COL23A1: variants seen among roughly 807,000 people sequenced by gnomAD.
COL23A1 encodes the protein collagen alpha-1(XXIII) chain.
A neutral mutation model predicts 99.3 loss-of-function variants in COL23A1; 97 were observed. That is an observed-to-expected ratio of 0.98 (90% CI 0.83 to 1.16). COL23A1 has a LOEUF of 1.16. Ranked by LOEUF, COL23A1 falls within the 50% of genes most tolerant of loss-of-function variation. COL23A1 has a pLI of 0.00. For synonymous variants in COL23A1, 320 were observed against 308.2 expected (o/e 1.04, Z -0.40); for missense variants, 762 against 757.4 (o/e 1.01, Z -0.07).
chr5:178,359,068 AG>A (rs1335958791), intron 2 of COL23A1, among the ~76,000 whole-genome samples: 3 of 152,230 alleles, frequency 2.0e-5, no homozygotes, highest in African/African-American at 7.2e-5. Context: ...ACAGAGTCGC[AG>A]GATGGCAGCT....
intron 22 of COL23A1, 73 bp from the exon 23 acceptor site, chr5:178,246,526 T>C: frequency 1.4e-6 from 2 of 1,447,536 alleles, no homozygotes; most frequent in East Asian, 5.0e-5. Context: ...GCTTGGAGAC[T>C]GCAAGGGAGC....
chr5:178,315,819 T>TCC (rs1335403196), intron 2 of COL23A1, among the ~76,000 whole-genome samples: 1 of 150,712 alleles, frequency 6.6e-6, no homozygotes, highest in Non-Finnish European at 1.5e-5. Flanking sequence ...AGTCATGGTA[T>TCC]CCTCCAGAGA....
rs1053610962 is a variant in COL23A1, at chr5:178,384,474, C to T, written c.362-77555G>A. On this transcript the variant is annotated intron_variant, in intron 2 of 28. Coordinates refer to ENST00000390654, the MANE Select transcript of COL23A1 (RefSeq NM_173465.4). This position sits in a 1 kb window ranked among gnomAD's most constrained non-coding sequence, Gnocchi z 5.5. ...CTCTCCTCCCTGCCCACCCCTCCCT[C>T]GGCTTTTTGGAGGCCACGTGGACGG... 3.9e-5 allele frequency among the ~76,000 whole-genome samples: 6 copies of T among 152,134 alleles called. No homozygotes were observed. The South Asian group carries it at 6.2e-4, about 16-fold the overall frequency.
intron 1 of COL23A1, among the ~76,000 whole-genome samples, chr5:178,577,062 G>A (rs1174420063): frequency 6.6e-6 from 1 of 152,084 alleles, no homozygotes; most frequent in African/African-American, 2.4e-5. Flanking sequence ...CCCCGCCGGG[G>A]TCCTCCCTGT....
intron 2 of COL23A1, among the ~76,000 whole-genome samples, chr5:178,549,478 T>C (rs1466199223): frequency 1.3e-5 from 2 of 151,998 alleles, no homozygotes; most frequent in African/African-American, 4.8e-5. Context: ...TGGCAGAGAA[T>C]AGGGGAATGG....
chr5:178,296,782 G>C (rs1267400067), intron 3 of COL23A1, among the ~76,000 whole-genome samples: 1 of 152,044 alleles, frequency 6.6e-6, no homozygotes, highest in Non-Finnish European at 1.5e-5. Flanking sequence ...TTGCTCGTGG[G>C]ACAGTCCACC....
chr5:178,500,040 T>C (rs1020435990), intron 2 of COL23A1, among the ~76,000 whole-genome samples: 3 of 152,048 alleles, frequency 2.0e-5, no homozygotes, highest in African/African-American at 7.2e-5. Context: ...TGGTAAGTGG[T>C]CACCTGGGAA....
rs1365142630 is a variant in COL23A1 at position 178,468,823 on chromosome 5, C to T, written c.361+91859G>A. On this transcript the variant is annotated intron_variant, in intron 2 of 28. Coordinates refer to ENST00000390654, the MANE Select transcript of COL23A1 (RefSeq NM_173465.4). The surrounding 1 kb of genome is among the most constrained non-coding windows in gnomAD (Gnocchi z 4.2). Reference sequence around the variant, plus strand: ...TACAGCTCAGTGCATCAGGTGCATTCACACTGCTGTGCAGCCATCAGCACC... The same window carrying T: ...TACAGCTCAGTGCATCAGGTGCATTTACACTGCTGTGCAGCCATCAGCACC... 6.6e-6 allele frequency among the ~76,000 whole-genome samples: 1 copy of T among 152,198 alleles called. No individual in the cohort carries two copies. The highest frequency in any genetic ancestry group is 2.4e-5 in the African/African-American group (1 of 41,450).
chr5:178,585,161 G>T (rs1763862515), intron 1 of COL23A1, among the ~76,000 whole-genome samples: 1 of 152,134 alleles, frequency 6.6e-6, no homozygotes, highest in South Asian at 2.1e-4. Context: ...GTGGTCCTTG[G>T]GAAACACCAA....
chr5:178,330,573 G>T (rs979233913), intron 2 of COL23A1, among the ~76,000 whole-genome samples: 2 of 152,020 alleles, frequency 1.3e-5, no homozygotes, highest in Non-Finnish European at 2.9e-5. Flanking sequence ...AGGATAGCTG[G>T]AGCTGAGGAG....
chr5:178,419,849 G>A (rs1050624568), intron 2 of COL23A1, among the ~76,000 whole-genome samples: 2 of 152,158 alleles, frequency 1.3e-5, no homozygotes, highest in African/African-American at 4.8e-5. Flanking sequence ...TGTTCAAACT[G>A]CGTTCAAATA....
chr5:178,587,283 G>A (rs1278064753), intron 1 of COL23A1, among the ~76,000 whole-genome samples: 1 of 152,108 alleles, frequency 6.6e-6, no homozygotes, highest in Non-Finnish European at 1.5e-5. Flanking sequence ...CTTCCTTTGT[G>A]TGCCATGGGA....
chr5:178,519,071 A>G (rs912059091), intron 2 of COL23A1, among the ~76,000 whole-genome samples: 6 of 151,690 alleles, frequency 4.0e-5, no homozygotes, highest in African/African-American at 1.5e-4. Context: ...CGCGGCCACC[A>G]TGGCCGGACG....
At chr5:178,500,800 T>C (rs1016555905) in intron 2 of COL23A1, among the ~76,000 whole-genome samples, 3 of 151,978 alleles carry the variant, frequency 2.0e-5, no homozygotes, top group Non-Finnish European at 4.4e-5. Context: ...TAAGAAAATG[T>C]TCCTTAAACA....
chr5:178,326,463 G>A (rs1759668074), intron 2 of COL23A1, among the ~76,000 whole-genome samples: 1 of 150,338 alleles, frequency 6.7e-6, no homozygotes, highest in East Asian at 2.0e-4. Flanking sequence ...CTTACTCCCA[G>A]CCCCAGCTTG....
chr5:178,252,277 T>TAA (rs1765077510), intron 17 of COL23A1, among the ~76,000 whole-genome samples: 1 of 152,240 alleles, frequency 6.6e-6, no homozygotes, highest in African/African-American at 2.4e-5. Flanking sequence ...CATGTAGCTG[T>TAA]AAAGGACGTG....
chr5:178,256,871 G>A lies in COL23A1; in HGVS notation c.832C>T (p.Pro278Ser). The change falls in exon 14 of 29, where the codon CCG becomes TCG. Residue 278 changes from proline (P) to serine (S), a missense_variant. Transcript: ENST00000390654. ...GENGVDGAPG[P>S]KGEPGHRGTD... Reference sequence around the variant, plus strand: ...GCAGAGAGCTCTCATGTCACCTTCGGTCCTGGGGCACCGTCCACACCGTTC... The same window carrying A: ...GCAGAGAGCTCTCATGTCACCTTCGATCCTGGGGCACCGTCCACACCGTTC... 6.2e-7 allele frequency: 1 copy of A among 1,612,988 alleles called. No homozygotes were observed. The highest frequency in any genetic ancestry group is 8.5e-7 in the Non-Finnish European group (1 of 1,179,652).
chr5:178,283,340 A>G (rs1756997182), intron 5 of COL23A1, among the ~76,000 whole-genome samples: 1 of 152,104 alleles, frequency 6.6e-6, no homozygotes, highest in Non-Finnish European at 1.5e-5. Context: ...ACTGACCTTG[A>G]GTGTACCTGA....
intron 2 of COL23A1, among the ~76,000 whole-genome samples, chr5:178,472,657 A>G (rs1756819589): frequency 6.6e-6 from 1 of 152,042 alleles, no homozygotes; most frequent in Admixed American, 6.6e-5. Context: ...TAGTATTCCC[A>G]TTTTGTAGAT....
Sources: allele counts gnomAD v4.1 joint callset (sites outside exome capture counted in the v4.1 genomes callset), GRCh38; gene constraint gnomAD v4.1.1; non-coding constraint Gnocchi (gnomAD v3.1); transcripts MANE v1.5; gene names NCBI Gene and HGNC (gene_info 2026-07-23, HGNC 2026-07-21).